GALNT13: variants seen among roughly 807,000 people sequenced by gnomAD.
GALNT13 encodes the protein polypeptide N-acetylgalactosaminyltransferase 13.
In GALNT13, 28 loss-of-function variants were observed where a neutral mutation model predicts 64.2. That is an observed-to-expected ratio of 0.44 (90% CI 0.32 to 0.60). GALNT13 has a LOEUF of 0.60. Among genes scored for constraint, GALNT13 ranks in the 20% least tolerant of loss-of-function variants. The pLI, the probability that GALNT13 is intolerant of heterozygous loss-of-function variation, is 0.05. For synonymous variants in GALNT13, 214 were observed against 224.6 expected (o/e 0.95, Z 0.42); for missense variants, 577 against 669.8 (o/e 0.86, Z 1.53).
At chr2:153,811,619 A>G in the GALNT13 span, among the ~76,000 whole-genome samples, 10 of 152,344 alleles carry the variant, frequency 6.6e-5, no homozygotes, top group East Asian at 1.9e-3. Flanking sequence ...TGGGACTTGC[A>G]ACATAGAGTG....
chr2:153,381,976 A>G, the GALNT13 span, among the ~76,000 whole-genome samples: 1 of 152,092 alleles, frequency 6.6e-6, no homozygotes, highest in African/African-American at 2.4e-5. Flanking sequence ...CAGGAAAATA[A>G]TTCCATATAG....
At chr2:154,261,885 T>C (rs1373963410) in intron 8 of GALNT13, among the ~76,000 whole-genome samples, 1 of 152,060 alleles carries the variant, frequency 6.6e-6, no homozygotes, top group Non-Finnish European at 1.5e-5. Flanking sequence ...TCTACATAGG[T>C]TCTAGTCTAA....
chr2:153,568,600 CAT>C, the GALNT13 span, among the ~76,000 whole-genome samples: 4 of 152,126 alleles, frequency 2.6e-5, no homozygotes, highest in Non-Finnish European at 4.4e-5. Flanking sequence ...TTAATATACT[CAT>C]TTTATAGATG....
chr2:153,325,200 T>C, the GALNT13 span, among the ~76,000 whole-genome samples: 13 of 148,440 alleles, frequency 8.8e-5, no homozygotes, highest in Admixed American at 7.6e-4. Context: ...TATTAAGGGA[T>C]TTGACTTCTT....
chr2:154,180,117 A>G (rs781248313), intron 4 of GALNT13, among the ~76,000 whole-genome samples: 25 of 152,320 alleles, frequency 1.6e-4, no homozygotes, highest in Non-Finnish European at 2.9e-4. Flanking sequence ...CCAAACACAC[A>G]TAATACAGAT....
intron 7 of GALNT13, 61 bp from the exon 8 acceptor site, chr2:154,258,960 C>CTAAT: frequency 1.2e-6 from 1 of 856,550 alleles, no homozygotes. Context: ...GCTACAGTCT[C>CTAAT]ATTAAACTCC....
intron 4 of GALNT13, among the ~76,000 whole-genome samples, chr2:154,229,746 G>A (rs893767184): frequency 6.6e-6 from 1 of 152,048 alleles, no homozygotes; most frequent in Non-Finnish European, 1.5e-5. Flanking sequence ...AGAGTTAAAA[G>A]CATGAGAGGG....
chr2:153,370,009 AG>A, the GALNT13 span, among the ~76,000 whole-genome samples: 1 of 152,174 alleles, frequency 6.6e-6, no homozygotes, highest in Non-Finnish European at 1.5e-5. Context: ...CTCTAATTTT[AG>A]GTATAATTTG....
intron 4 of GALNT13, among the ~76,000 whole-genome samples, chr2:154,209,631 T>C (rs2105797109): frequency 6.6e-6 from 1 of 152,266 alleles, no homozygotes; most frequent in Middle Eastern, 3.4e-3. Flanking sequence ...TCATTAAAAG[T>C]TTTAGAAAAC....
chr2:154,152,800 C>T (rs1362244040), intron 4 of GALNT13, among the ~76,000 whole-genome samples: 1 of 152,176 alleles, frequency 6.6e-6, no homozygotes, highest in Non-Finnish European at 1.5e-5. Flanking sequence ...TTAAGCACTT[C>T]TCTGTATTGG....
chr2:153,195,913 C>T, the GALNT13 span, among the ~76,000 whole-genome samples: 1 of 152,172 alleles, frequency 6.6e-6, no homozygotes, highest in Non-Finnish European at 1.5e-5. Flanking sequence ...TGTTCAGCTA[C>T]TAGCAGAGAG....
At chr2:153,176,827 A>C in the GALNT13 span, among the ~76,000 whole-genome samples, 1 of 151,760 alleles carries the variant, frequency 6.6e-6, no homozygotes, top group African/African-American at 2.4e-5. Context: ...AATGAGGCTG[A>C]ATTTTCAACA....
intron 3 of GALNT13, among the ~76,000 whole-genome samples, chr2:153,981,616 A>G (rs1170224416): frequency 1.3e-5 from 2 of 152,090 alleles, no homozygotes; most frequent in Admixed American, 6.6e-5. Context: ...CCAGTCTATC[A>G]TTGATGGACA....
chr2:154,169,511 A>G (rs932137072), intron 4 of GALNT13, among the ~76,000 whole-genome samples: 1 of 152,100 alleles, frequency 6.6e-6, no homozygotes, highest in African/African-American at 2.4e-5. Flanking sequence ...TCTTCTTCCA[A>G]TCCTATGGAG....
chr2:153,773,849 T>G, the GALNT13 span, among the ~76,000 whole-genome samples: 7 of 152,190 alleles, frequency 4.6e-5, no homozygotes, highest in African/African-American at 1.7e-4. Flanking sequence ...CTTTTTAACT[T>G]TAACTTTTAT....
chr2:153,957,597 T>TA (rs1692654049), intron 3 of GALNT13, among the ~76,000 whole-genome samples: 1 of 152,202 alleles, frequency 6.6e-6, no homozygotes, highest in Admixed American at 6.5e-5. Context: ...CCCTCTTGCT[T>TA]AAAGCAGGTG....
the GALNT13 span, among the ~76,000 whole-genome samples, chr2:153,323,108 CCCG>C: frequency 6.6e-6 from 1 of 152,158 alleles, no homozygotes; most frequent in Admixed American, 6.5e-5. Flanking sequence ...AATTTATACT[CCCG>C]CCAACAGTGT....
chr2:153,426,800 G>A, the GALNT13 span, among the ~76,000 whole-genome samples: 806 of 151,846 alleles, frequency 5.3e-3, 5 homozygotes, highest in Non-Finnish European at 8.7e-3. Context: ...AGCAATTAGT[G>A]CTCTTATTGT....
At chr2:153,999,931 T>C (rs1695788165) in intron 3 of GALNT13, among the ~76,000 whole-genome samples, 1 of 152,058 alleles carries the variant, frequency 6.6e-6, no homozygotes, top group African/African-American at 2.4e-5. Flanking sequence ...AATTCAAACC[T>C]GAAGCCATTA....
Sources: gnomAD v4.1 joint callset for allele counts (sites outside exome capture counted in the v4.1 genomes callset) on GRCh38, gnomAD v4.1.1 for gene constraint, MANE v1.5 for transcripts, NCBI Gene and HGNC (gene_info 2026-07-23, HGNC 2026-07-21) for gene names.